ATP6V1C1: variants seen among roughly 807,000 people sequenced by gnomAD.
ATP6V1C1 encodes the protein V-type proton ATPase subunit C 1.
A neutral mutation model predicts 53.9 loss-of-function variants in ATP6V1C1; 45 were observed. The ratio of observed to expected loss-of-function variants is 0.83; its 90% CI spans 0.66 to 1.07. The LOEUF (loss-of-function observed/expected upper bound fraction) is 1.07, where lower values mean the gene tolerates loss of function less well. ATP6V1C1 is among the 50% of genes least tolerant of loss of function. The pLI is 0.00. For synonymous variants in ATP6V1C1, 153 were observed against 155.2 expected, an observed-to-expected ratio of 0.99 and a Z score of 0.11; for missense variants, 315 against 440.3, an observed-to-expected ratio of 0.72 and a Z score of 2.55.
chr8:103,055,134 A>G (rs1817268149), intron 7 of ATP6V1C1, among the ~76,000 whole-genome samples: 1 of 152,102 alleles, frequency 6.6e-6, no homozygotes, highest in African/African-American at 2.4e-5. Flanking sequence ...CTGTGCTTTT[A>G]TACTATGTAG....
Position 103,063,213 on chromosome 8 carries a change from T to C in ATP6V1C1, c.813T>C (p.Asp271=). 2 of 1,599,872 alleles carry C rather than the reference T, an allele frequency of 1.3e-6. No individual in the cohort carries two copies. Among genetic ancestry groups the C allele is most frequent in the Non-Finnish European group, 8.5e-7 (1 of 1,169,834 alleles). ...DKEEMNRLST[D]KKKQFGPLVR... ...AAGAAATGAACAGGCTTTCTACTGATAAGAAAAAACAATTTGTATGTGTTT... is the reference window on the plus strand; with the variant it reads ...AAGAAATGAACAGGCTTTCTACTGACAAGAAAAAACAATTTGTATGTGTTT... The change falls in exon 10 of 13, where the codon GAT becomes GAC. Residue 271 remains aspartate, a synonymous_variant. Transcript: ENST00000518738.
rs535244424 is a variant in ATP6V1C1 at position 103,032,687 on chromosome 8, A to T, written c.-39-8111A>T. Among the ~76,000 whole-genome samples, 720 of 152,250 alleles carry T rather than the reference A, an allele frequency of 4.7e-3. 3 individuals carry two copies. The highest frequency in any genetic ancestry group is 8.3e-3 in the Non-Finnish European group (567 of 68,008). ...GAGACAGGGTTTCAGCATGTTGGCT[A>T]GACTGGTTTCGAACTCCTGGCCTCA... is the stretch of plus-strand genomic sequence containing the variant. On this transcript the variant is annotated intron_variant, in intron 1 of 12. Transcript: ENST00000518738.
At chr8:103,065,728 G>T (rs1817477117) in intron 11 of ATP6V1C1, among the ~76,000 whole-genome samples, 1 of 151,910 alleles carries the variant, frequency 6.6e-6, no homozygotes, top group Non-Finnish European at 1.5e-5. Flanking sequence ...ATTTCCTGAG[G>T]ATATTCATAT....
chr8:103,067,151 C>T (rs1817506080), intron 12 of ATP6V1C1, among the ~76,000 whole-genome samples: 1 of 151,866 alleles, frequency 6.6e-6, no homozygotes, highest in African/African-American at 2.4e-5. Flanking sequence ...GTAATCCCAG[C>T]ACTTTGGGAG....
intron 8 of ATP6V1C1, among the ~76,000 whole-genome samples, chr8:103,057,198 A>G (rs1262760861): frequency 3.9e-5 from 6 of 152,182 alleles, no homozygotes; most frequent in Admixed American, 3.9e-4. Flanking sequence ...GGGTCCAAAT[A>G]ACTCCTACAA....
rs1042085599 is a variant in ATP6V1C1 at position 103,070,555 on chromosome 8, A to G, written c.*1808A>G. 1 of 152,058 alleles carries G rather than the reference A, an allele frequency of 6.6e-6. No homozygotes were observed. The highest frequency in any genetic ancestry group is 2.4e-5 in the African/African-American group (1 of 41,382). 9.4% of individuals were successfully genotyped at this position (152,058 alleles called of 1,614,324 possible). A position where few individuals can be genotyped will look rare whatever the true frequency, so the allele number is the denominator to read the frequency against. On this transcript the variant is annotated 3_prime_UTR_variant, in exon 13 of 13. Transcript: ENST00000518738. The stretch of plus-strand genomic sequence containing the variant: ...GTCTTAGTATCTGTAACGTGGCGCT[A>G]CTCTCTCTATCATGGGGGGGCATGT...
intron 7 of ATP6V1C1, 23 bp downstream of exon 7, chr8:103,054,005 GT>G: frequency 6.4e-7 from 1 of 1,551,762 alleles, no homozygotes; most frequent in Non-Finnish European, 8.8e-7. Context: ...ATTATAAAAG[GT>G]TTTACTTGTT....
chr8:103,044,079 G>A (rs1817052021), intron 3 of ATP6V1C1, among the ~76,000 whole-genome samples: 2 of 151,944 alleles, frequency 1.3e-5, no homozygotes, highest in Non-Finnish European at 2.9e-5. Flanking sequence ...AATAGAGATG[G>A]GGTTTCACCA....
At chr8:103,043,374 G>T (rs1243044222) in intron 3 of ATP6V1C1, among the ~76,000 whole-genome samples, 1 of 152,058 alleles carries the variant, frequency 6.6e-6, no homozygotes, top group Non-Finnish European at 1.5e-5. Context: ...CCAGGCTGGA[G>T]TGCAGTGGCA....
At chr8:103,022,983 T>C (rs1816624773) in intron 1 of ATP6V1C1, among the ~76,000 whole-genome samples, 1 of 152,064 alleles carries the variant, frequency 6.6e-6, no homozygotes, top group Non-Finnish European at 1.5e-5. Flanking sequence ...AGCCCAGTAG[T>C]TCGAGGCTGC....
intron 8 of ATP6V1C1, among the ~76,000 whole-genome samples, chr8:103,061,684 TAC>T (rs775519719): frequency 2.6e-5 from 4 of 152,208 alleles, no homozygotes; most frequent in Non-Finnish European, 5.9e-5. Flanking sequence ...ATTAAATGCG[TAC>T]AGTTTTCTGT....
intron 1 of ATP6V1C1, among the ~76,000 whole-genome samples, chr8:103,024,223 A>T (rs1447296746): frequency 6.6e-6 from 1 of 152,222 alleles, no homozygotes; most frequent in Non-Finnish European, 1.5e-5. Flanking sequence ...CTAAAGAAAC[A>T]GTACTCAGGA....
At chr8:103,065,510 G>GCCACTGCACTATTGCA (rs1447289307) in intron 11 of ATP6V1C1, among the ~76,000 whole-genome samples, 1 of 151,970 alleles carries the variant, frequency 6.6e-6, no homozygotes, top group African/African-American at 2.4e-5. Flanking sequence ...CCGAGATTGT[G>GCCACTGCACTATTGCA]CCACTGCACT....
chr8:103,044,179 T>C (rs1194300442), intron 3 of ATP6V1C1, among the ~76,000 whole-genome samples: 1 of 152,194 alleles, frequency 6.6e-6, no homozygotes, highest in Non-Finnish European at 1.5e-5. Context: ...CCACCGCGCC[T>C]GGCCATGTCT....
chr8:103,056,395 AGATTTTACCTAATTT>A (rs1354281369), intron 8 of ATP6V1C1, among the ~76,000 whole-genome samples: 4 of 152,196 alleles, frequency 2.6e-5, no homozygotes, highest in Non-Finnish European at 5.9e-5. Flanking sequence ...CTTTGAGCTT[AGATTTTACCTAATTT>A]GTGTGTTCCT....
rs1369592464 is a variant in ATP6V1C1, at chr8:103,071,243, G to A, written c.*2496G>A. 1 of 152,196 alleles carries A rather than the reference G, an allele frequency of 6.6e-6. No individual in the cohort carries two copies. Among genetic ancestry groups the A allele is most frequent in the African/African-American group, 2.4e-5 (1 of 41,430 alleles). The allele number at this position is 152,196 out of a possible 1,614,324, so 9.4% of individuals were successfully genotyped here. A position where few individuals can be genotyped will look rare whatever the true frequency, so the allele number is the denominator to read the frequency against. On this transcript the variant is annotated 3_prime_UTR_variant, in exon 13 of 13. Transcript: ENST00000518738. ...AGTCTGCTGGTTCTCCTTGAGGATA[G>A]TGCTTAGATAACAGACTCATTAAAC...
At chr8:103,026,222 A>G (rs1001823867) in intron 1 of ATP6V1C1, among the ~76,000 whole-genome samples, 4 of 152,196 alleles carry the variant, frequency 2.6e-5, no homozygotes, top group Non-Finnish European at 5.9e-5. Flanking sequence ...ATTTTCCAAC[A>G]TTGTATTATG....
chr8:103,061,307 C>T (rs1817391747), intron 8 of ATP6V1C1, among the ~76,000 whole-genome samples: 1 of 152,302 alleles, frequency 6.6e-6, no homozygotes, highest in East Asian at 1.9e-4. Flanking sequence ...GGGAGGTGCC[C>T]CTGCTGGCTG....
chr8:103,070,559 T>C lies in ATP6V1C1; in HGVS notation c.*1812T>C, dbSNP rs1280936583. Reference sequence around the variant, plus strand: ...TAGTATCTGTAACGTGGCGCTACTCTCTCTATCATGGGGGGGCATGTTTTG... The same window carrying C: ...TAGTATCTGTAACGTGGCGCTACTCCCTCTATCATGGGGGGGCATGTTTTG... On this transcript the variant is annotated 3_prime_UTR_variant, in exon 13 of 13. Transcript: ENST00000518738. The C allele has an allele frequency of 2.6e-5, 4 of 152,190 alleles. No homozygotes were observed. The highest frequency in any genetic ancestry group is 4.4e-5 in the Non-Finnish European group (3 of 68,030). The allele number at this position is 152,190 out of a possible 1,614,324, so 9.4% of individuals were successfully genotyped here.
Sources: gnomAD v4.1 joint callset for allele counts (sites outside exome capture counted in the v4.1 genomes callset) on GRCh38, gnomAD v4.1.1 for gene constraint, MANE v1.5 for transcripts, NCBI Gene and HGNC (gene_info 2026-07-23, HGNC 2026-07-21) for gene names.